MYO1A: variants seen among roughly 807,000 people sequenced by gnomAD.
MYO1A encodes the protein unconventional myosin-Ia.
A neutral mutation model predicts 138.5 loss-of-function variants in MYO1A; 127 were observed. That is an observed-to-expected ratio of 0.92 (90% CI 0.79 to 1.06). The LOEUF (loss-of-function observed/expected upper bound fraction) is 1.06. Ranked by LOEUF, MYO1A falls within the 50% of genes least tolerant of loss-of-function variation. The probability of loss-of-function intolerance (pLI) is 0.00; values close to 1 mark genes in which losing one functional copy is unlikely to be tolerated. For synonymous variants in MYO1A, 477 were observed against 497.5 expected, an observed-to-expected ratio of 0.96 and a Z score of 0.55; for missense variants, 1,211 against 1,288.8, an observed-to-expected ratio of 0.94 and a Z score of 0.92.
At chr12:57,043,802 TGTA>T in intron 10 of MYO1A, 51 bp downstream of exon 10, 1 of 1,612,146 alleles carries the variant, frequency 6.2e-7, no homozygotes. Context: ...GGACACGACT[TGTA>T]GTAGGAAATT....
intron 24 of MYO1A, 152 bp from the exon 25 acceptor site, chr12:57,030,024 G>T (rs2030197822): frequency 2.9e-6 from 4 of 1,371,492 alleles, no homozygotes; most frequent in South Asian, 1.2e-5. Flanking sequence ...CAAGACATCA[G>T]CACCACCTGG....
chr12:57,048,032 C>T lies in MYO1A; in HGVS notation c.187G>A (p.Ala63Thr). 1.9e-6 allele frequency: 3 copies of T among 1,614,144 alleles called. No individual in the cohort carries two copies. The highest frequency in any genetic ancestry group is 2.5e-6 in the Non-Finnish European group (3 of 1,180,006). The change falls in exon 3 of 28, where the codon GCC becomes ACC. Residue 63 changes from alanine (A) to threonine (T), a missense_variant. Ala to Thr is a moderately conservative substitution (Grantham distance 58, BLOSUM62 0). Coordinates refer to ENST00000300119, the MANE Select transcript of MYO1A (RefSeq NM_005379.4). Reference protein sequence around the residue: ...QLPIYGPEFIAKYQDYTFYEL... With the variant: ...QLPIYGPEFITKYQDYTFYEL... Reference sequence around the variant, plus strand: ...TAGAAAGTATAGTCTTGATATTTGGCAATGAACTCTGGCCCATAGATGGGA... The same window carrying T: ...TAGAAAGTATAGTCTTGATATTTGGTAATGAACTCTGGCCCATAGATGGGA...
chr12:57,037,550 T>C lies in MYO1A; in HGVS notation c.2053A>G (p.Thr685Ala), dbSNP rs2030616952. The change falls in exon 19 of 28, where the codon ACT becomes GCT. Residue 685 changes from threonine to alanine, a missense_variant and splice_region_variant. By Grantham distance (58) the Thr-to-Ala change is moderately conservative (BLOSUM62 0). Coordinates refer to ENST00000300119, the MANE Select transcript of MYO1A (RefSeq NM_005379.4). The part of the protein sequence containing the change: ...KTKIFIRSPK[T>A]LFYLEEQRRL... Reference sequence around the variant, plus strand: ...TGCTAATGCACTCTCTAACTCACAGTCTTGGGGCTTCTAATGAAGATCTTT... The same window carrying C: ...TGCTAATGCACTCTCTAACTCACAGCCTTGGGGCTTCTAATGAAGATCTTT... 1 of 1,613,908 alleles carries C rather than the reference T, an allele frequency of 6.2e-7. No individual in the cohort carries two copies. The highest frequency in any genetic ancestry group is 1.1e-5 in the South Asian group (1 of 91,068).
chr12:57,044,757 C>T, intron 8 of MYO1A, among the ~76,000 whole-genome samples: 1 of 152,134 alleles, frequency 6.6e-6, no homozygotes, highest in East Asian at 1.9e-4. Flanking sequence ...GGGTTTTCCC[C>T]CAACTTTTAT....
rs757833661 is a variant in MYO1A, at chr12:57,031,162, G to A, written c.2362C>T (p.Leu788=). 10 of 1,613,980 alleles carry A rather than the reference G, an allele frequency of 6.2e-6. No homozygotes were observed. In the South Asian group the frequency reaches 9.9e-5, roughly 16 times the overall value. ...FIYKSMVQKF[L]LGLKNNLPST... ...GGCAAATTGTTCTTCAGCCCCAGTAGGAATTTCTGTACCTAGTTTGGGACC... is the reference window on the plus strand; with the variant it reads ...GGCAAATTGTTCTTCAGCCCCAGTAAGAATTTCTGTACCTAGTTTGGGACC... Residue 788 remains leucine, a synonymous_variant, in exon 23 of 28, where the codon CTA becomes TTA. Coordinates refer to ENST00000300119, the MANE Select transcript of MYO1A (RefSeq NM_005379.4).
rs760538634 is a variant in MYO1A at position 57,028,885 on chromosome 12, G to A, written c.3006-4C>T. On this transcript the variant is annotated splice_polypyrimidine_tract_variant and splice_region_variant and intron_variant, in intron 27 of 27. Coordinates refer to ENST00000300119, the MANE Select transcript of MYO1A (RefSeq NM_005379.4). Reference sequence around the variant, plus strand: ...CTCCTTGAACCTCACTGAGAACCTGGAGAGGGAACAGAAAACCAAGTCTAG... The same window carrying A: ...CTCCTTGAACCTCACTGAGAACCTGAAGAGGGAACAGAAAACCAAGTCTAG... 8.7e-6 allele frequency: 14 copies of A among 1,613,898 alleles called. No homozygotes were observed. Among genetic ancestry groups the A allele is most frequent in the Non-Finnish European group, 1.2e-5 (14 of 1,179,936 alleles).
rs889090869 is a variant in MYO1A at position 57,047,886 on chromosome 12, G to A, written c.230+103C>T. On this transcript the variant is annotated intron_variant, in intron 3 of 27. Coordinates refer to ENST00000300119, the MANE Select transcript of MYO1A (RefSeq NM_005379.4). ...CTCCAGAAGGCCAGGGAAGGAAGGG[G>A]CAGCTGGAGAAGCCCCTTCAGGGGA... 3.4e-5 allele frequency: 53 copies of A among 1,559,926 alleles called. No individual in the cohort carries two copies. In the Admixed American group the frequency reaches 9.9e-4, roughly 29 times the overall value.
chr12:57,038,049 T>C lies in MYO1A; in HGVS notation c.1781A>G (p.His594Arg). 1.2e-6 allele frequency: 2 copies of C among 1,614,056 alleles called. No homozygotes were observed. The highest frequency in any genetic ancestry group is 2.2e-5 in the South Asian group (2 of 91,082). The part of the protein sequence containing the change: ...NYIRCIKPNE[H>R]QQRGQFSSDL... ...TGAAGAGAACTGACCTCGCTGCTGA[T>C]GCTCATTGGGCTTTATGCACCTGGT... Residue 594 changes from histidine (H) to arginine (R), a missense_variant, in exon 18 of 28, where the codon CAT (histidine) becomes CGT (arginine). Physicochemically the swap from His to Arg is conservative, Grantham distance 29 (BLOSUM62 0). Coordinates refer to ENST00000300119, the MANE Select transcript of MYO1A (RefSeq NM_005379.4).
rs2030694466 is a variant in MYO1A at position 57,038,596 on chromosome 12, G to C, written c.1576C>G (p.Leu526Val). ...GCCTGCAACAGGTCTCGGAAGAGTA[G>C]GTCATTATTCTTGTCAATAAAGCTG... ...VTSFIDKNND[L>V]LFRDLLQAMW... is the part of the protein sequence containing the mutation. The change falls in exon 17 of 28, where the codon CTA becomes GTA. Residue 526 changes from leucine (L) to valine (V), a missense_variant. By Grantham distance (32) the Leu-to-Val change is conservative. Transcript: ENST00000300119. 2 of 1,614,182 alleles carry C rather than the reference G, an allele frequency of 1.2e-6. No homozygotes were observed. Among genetic ancestry groups the C allele is most frequent in the Non-Finnish European group, 1.7e-6 (2 of 1,180,034 alleles).
At chr12:57,037,221 C>T (rs779424702) in intron 19 of MYO1A, 130 bp from the exon 20 acceptor site, 76 of 1,179,626 alleles carry the variant, frequency 6.4e-5, no homozygotes, top group Non-Finnish European at 8.2e-5. Flanking sequence ...TCTTAGTTTG[C>T]TCATTTATTC....
chr12:57,037,812 C>A, intron 18 of MYO1A, 57 bp downstream of exon 18: 1 of 1,588,160 alleles, frequency 6.3e-7, no homozygotes, highest in Non-Finnish European at 8.6e-7. Flanking sequence ...TCTCTTCCCC[C>A]AGAGATGTTT....
intron 7 of MYO1A, 24 bp from the exon 8 acceptor site, chr12:57,046,674 T>C: frequency 1.3e-6 from 2 of 1,598,154 alleles, no homozygotes; most frequent in East Asian, 2.2e-5. Flanking sequence ...AGAAAAATAA[T>C]ATCCTGAGGG....
rs1358311462 is a variant in MYO1A at position 57,041,167 on chromosome 12, GA to G, written c.1269+16del. ...AGAAGTTGTTTAAGAGGGGGAAGTA[GA>G]AAAGACTTGGTTTACTTCTCTCTTA... On this transcript the variant is annotated intron_variant, in intron 14 of 27. Coordinates refer to ENST00000300119, the MANE Select transcript of MYO1A (RefSeq NM_005379.4). The G allele has an allele frequency of 6.3e-7, 1 of 1,595,640 alleles. No homozygotes were observed.
In MYO1A at chr12:57,048,097, A is replaced by G. The variant is rs753855744; in HGVS notation, c.122T>C (p.Ile41Thr). Residue 41 changes from isoleucine to threonine, a missense_variant, in exon 3 of 28, where the codon ATT becomes ACT. Transcript: ENST00000300119. ...RYENKEIYTYIGNVVISVNPY... is the reference protein window; with the variant it reads ...RYENKEIYTYTGNVVISVNPY... ...ATTCACTGAGATCACCACATTCCCA[A>G]TGTAGGTCTGGAGCCAGGAAGAAGG... 25 of 1,613,560 alleles carry G rather than the reference A, an allele frequency of 1.5e-5. No homozygotes were observed. Among genetic ancestry groups the G allele is most frequent in the Middle Eastern group, 1.6e-4 (1 of 6,082 alleles).
chr12:57,047,936 T>C, intron 3 of MYO1A, 53 bp downstream of exon 3: 2 of 1,585,936 alleles, frequency 1.3e-6, no homozygotes, highest in Middle Eastern at 1.7e-4. Flanking sequence ...TTAGGATGAC[T>C]CAGTGTCAAG....
At chr12:57,043,780 G>C (rs2030969520) in intron 10 of MYO1A, 76 bp downstream of exon 10, 1 of 1,595,770 alleles carries the variant, frequency 6.3e-7, no homozygotes, top group Non-Finnish European at 8.6e-7. Context: ...AATTATGCTA[G>C]AGATGGTAGA....
At chr12:57,038,345 T>C (rs2030673563) in intron 17 of MYO1A, 67 bp downstream of exon 17, 1 of 1,537,914 alleles carries the variant, frequency 6.5e-7, no homozygotes, top group African/African-American at 1.4e-5. Context: ...GGACGTGTTC[T>C]ACAGCGCATG....
chr12:57,041,411 G>A, intron 13 of MYO1A, 21 bp downstream of exon 13: 2 of 1,605,930 alleles, frequency 1.2e-6, no homozygotes. Context: ...GGAGCAGGGT[G>A]CTGAGGTGAG....
Position 57,031,152 on chromosome 12 carries a change from AGCCC to A in MYO1A, c.2368_2371del (p.Gly790Ter). 3 of 1,614,166 alleles carry A rather than the reference AGCCC, an allele frequency of 1.9e-6. No individual in the cohort carries two copies. Among genetic ancestry groups the A allele is most frequent in the Non-Finnish European group, 2.5e-6 (3 of 1,180,028 alleles). On this transcript the variant is annotated frameshift_variant, in exon 23 of 28. Coordinates refer to ENST00000300119, the MANE Select transcript of MYO1A (RefSeq NM_005379.4). LOFTEE classifies it high-confidence loss of function. Reference sequence around the variant, plus strand: ...GTTTGTGGATGGCAAATTGTTCTTCAGCCCCAGTAGGAATTTCTGTACCTAGTTT... The same window carrying A: ...GTTTGTGGATGGCAAATTGTTCTTCACAGTAGGAATTTCTGTACCTAGTTT...
Sources: gnomAD v4.1 joint callset for allele counts (sites outside exome capture counted in the v4.1 genomes callset) on GRCh38, gnomAD v4.1.1 for gene constraint, MANE v1.5 for transcripts, NCBI Gene and HGNC (gene_info 2026-07-23, HGNC 2026-07-21) for gene names.